DCT: variants seen among roughly 807,000 people sequenced by gnomAD.
DCT encodes L-dopachrome tautomerase.
A neutral mutation model predicts 53.0 loss-of-function variants in DCT; 47 were observed. That is an observed-to-expected ratio of 0.89 (90% CI 0.70 to 1.13). DCT has a LOEUF of 1.13. Among genes scored for constraint, DCT ranks in the 50% most tolerant of loss-of-function variants. The probability of loss-of-function intolerance (pLI) is 0.00; values close to 1 mark genes in which losing one functional copy is unlikely to be tolerated. For synonymous variants in DCT, 244 were observed against 237.0 expected (o/e 1.03, Z -0.27); for missense variants, 669 against 637.4 (o/e 1.05, Z -0.53).
chr13:94,522,681 G>A, the DCT span, among the ~76,000 whole-genome samples: 1 of 152,130 alleles, frequency 6.6e-6, no homozygotes, highest in East Asian at 1.9e-4. Context: ...GAGCCTACAG[G>A]GTATGTTGAC....
At chr13:94,547,983 AAATAT>A in the DCT span, among the ~76,000 whole-genome samples, 3 of 111,860 alleles carry the variant, frequency 2.7e-5, no homozygotes, top group African/African-American at 8.9e-5. Context: ...AAAAAAAAAA[AAATAT>A]ATATATATAT....
chr13:94,528,132 G>A, the DCT span, among the ~76,000 whole-genome samples: 6 of 152,164 alleles, frequency 3.9e-5, no homozygotes, highest in Non-Finnish European at 7.3e-5. Flanking sequence ...AGAAATATGG[G>A]AATATGTGAA....
chr13:94,534,118 T>C, the DCT span, among the ~76,000 whole-genome samples: 1 of 151,394 alleles, frequency 6.6e-6, no homozygotes, highest in Non-Finnish European at 1.5e-5. Flanking sequence ...AGTTTCCCCA[T>C]ATATATTTTA....
chr13:94,547,595 G>A, the DCT span, among the ~76,000 whole-genome samples: 1 of 151,900 alleles, frequency 6.6e-6, no homozygotes, highest in East Asian at 1.9e-4. Flanking sequence ...CAGACCTCAG[G>A]TTGTCTGAAA....
At chr13:94,485,003 G>C in the DCT span, among the ~76,000 whole-genome samples, 1 of 152,008 alleles carries the variant, frequency 6.6e-6, no homozygotes, top group South Asian at 2.1e-4. Context: ...CTACACATTT[G>C]GTTGACCCGT....
chr13:94,478,932 C>T, intron 1 of DCT, 29 bp downstream of exon 1: 3 of 1,570,782 alleles, frequency 1.9e-6, no homozygotes, highest in Non-Finnish European at 2.6e-6. Flanking sequence ...CTCTGGCCCT[C>T]CCCACCAAGC....
chr13:94,488,167 G>A, the DCT span, among the ~76,000 whole-genome samples: 1 of 151,784 alleles, frequency 6.6e-6, no homozygotes, highest in Non-Finnish European at 1.5e-5. Context: ...GGATTTTTAT[G>A]TGTACCCTTA....
the DCT span, among the ~76,000 whole-genome samples, chr13:94,513,037 C>T: frequency 2.6e-5 from 4 of 152,274 alleles, no homozygotes; most frequent in East Asian, 3.9e-4. Context: ...TTTCAGAGAA[C>T]GTGCCATTCT....
At chr13:94,531,215 C>A in the DCT span, among the ~76,000 whole-genome samples, 1 of 152,130 alleles carries the variant, frequency 6.6e-6, no homozygotes. Flanking sequence ...GCCATATTGC[C>A]CAAGGTAATT....
chr13:94,527,483 C>T, the DCT span, among the ~76,000 whole-genome samples: 1 of 152,142 alleles, frequency 6.6e-6, no homozygotes, highest in Admixed American at 6.5e-5. Context: ...CTGGTGATAC[C>T]CAGGCAAACA....
the DCT span, among the ~76,000 whole-genome samples, chr13:94,517,994 G>T: frequency 6.6e-6 from 1 of 151,728 alleles, no homozygotes; most frequent in Non-Finnish European, 1.5e-5. Context: ...TCTAATCCCA[G>T]CACTTTGAGC....
At chr13:94,482,777 A>G (rs1184317008), upstream of DCT, among the ~76,000 whole-genome samples, 2 of 152,232 alleles carry the variant, frequency 1.3e-5, no homozygotes, top group Non-Finnish European at 2.9e-5. Flanking sequence ...TATATAAAAC[A>G]CTTAGGCTTA....
chr13:94,532,925 A>T, the DCT span, among the ~76,000 whole-genome samples: 1 of 152,254 alleles, frequency 6.6e-6, no homozygotes, highest in African/African-American at 2.4e-5. Flanking sequence ...TCCTAAAAGT[A>T]AGACAATAAA....
At chr13:94,478,926 G>A (rs770498870) in intron 1 of DCT, 35 bp downstream of exon 1, 2 of 1,564,540 alleles carry the variant, frequency 1.3e-6, no homozygotes, top group Admixed American at 3.5e-5. Flanking sequence ...CCCCAGCTCT[G>A]GCCCTCCCCA....
chr13:94,472,618 G>C (rs1293104180), intron 1 of DCT, among the ~76,000 whole-genome samples: 1 of 109,654 alleles, frequency 9.1e-6, no homozygotes, highest in Admixed American at 1.3e-4. Context: ...GTCTCACTCT[G>C]TCACCCAGGC....
intron 6 of DCT, among the ~76,000 whole-genome samples, chr13:94,453,309 T>A (rs1267230853): frequency 1.3e-5 from 2 of 151,844 alleles, no homozygotes; most frequent in Non-Finnish European, 2.9e-5. Context: ...TGCAACTGTA[T>A]AAAACATATG....
At chr13:94,539,937 A>G in the DCT span, among the ~76,000 whole-genome samples, 1 of 152,210 alleles carries the variant, frequency 6.6e-6, no homozygotes, top group African/African-American at 2.4e-5. Flanking sequence ...TGTGATATAT[A>G]TATATAGAAA....
At chr13:94,504,011 T>C in the DCT span, among the ~76,000 whole-genome samples, 1 of 152,230 alleles carries the variant, frequency 6.6e-6, no homozygotes, top group Non-Finnish European at 1.5e-5. Context: ...TTTATGTTGT[T>C]GCTTGGTGAA....
At chr13:94,466,695 T>G in intron 2 of DCT, 37 bp from the exon 3 acceptor site, 1 of 1,393,938 alleles carries the variant, frequency 7.2e-7, no homozygotes. Flanking sequence ...GATGACAGAA[T>G]AGAATTTTTT....
Sources: allele counts gnomAD v4.1 joint callset (sites outside exome capture counted in the v4.1 genomes callset), GRCh38; gene constraint gnomAD v4.1.1; transcripts MANE v1.5; gene names NCBI Gene and HGNC (gene_info 2026-07-23, HGNC 2026-07-21).